BMAL1: variants seen among roughly 807,000 people sequenced by gnomAD.
BMAL1 encodes basic helix-loop-helix ARNT like 1, also known as basic helix-loop-helix ARNT-like protein 1.
the BMAL1 span, among the ~76,000 whole-genome samples, chr11:13,307,890 C>T: frequency 6.6e-6 from 1 of 152,182 alleles, no homozygotes; most frequent in Non-Finnish European, 1.5e-5. Context: ...TTGGCATCAT[C>T]CTTGCTGGGA....
At chr11:13,348,257 T>C in the BMAL1 span, among the ~76,000 whole-genome samples, 1 of 152,202 alleles carries the variant, frequency 6.6e-6, no homozygotes, top group South Asian at 2.1e-4. Flanking sequence ...TCTTGTCTTT[T>C]AGTCTGTCGG....
At chr11:13,340,760 A>T in the BMAL1 span, among the ~76,000 whole-genome samples, 1 of 152,134 alleles carries the variant, frequency 6.6e-6, no homozygotes, top group South Asian at 2.1e-4. Flanking sequence ...CAGGATTTCA[A>T]CCTGAGTTTG....
chr11:13,383,781 G>A, the BMAL1 span, among the ~76,000 whole-genome samples: 1 of 152,172 alleles, frequency 6.6e-6, no homozygotes, highest in African/African-American at 2.4e-5. Context: ...AGCCCAGGAG[G>A]TTGAGGCTGC....
chr11:13,335,877 G>T, the BMAL1 span, among the ~76,000 whole-genome samples: 2 of 152,038 alleles, frequency 1.3e-5, no homozygotes, highest in Non-Finnish European at 2.9e-5. Context: ...TACAGTTAGG[G>T]CATTATATTG....
chr11:13,350,889 C>T, the BMAL1 span, among the ~76,000 whole-genome samples: 1 of 152,162 alleles, frequency 6.6e-6, no homozygotes, highest in Non-Finnish European at 1.5e-5. Flanking sequence ...TTTACAACAT[C>T]AATGATGAAC....
the BMAL1 span, among the ~76,000 whole-genome samples, chr11:13,383,313 A>G: frequency 4.4e-3 from 670 of 152,276 alleles, 3 homozygotes; most frequent in Non-Finnish European, 6.9e-3. Flanking sequence ...CCAGAAAGAG[A>G]GGGGGCACAA....
the BMAL1 span, among the ~76,000 whole-genome samples, chr11:13,386,192 T>A: frequency 1.4e-4 from 21 of 152,242 alleles, no homozygotes; most frequent in Admixed American, 5.2e-4. Flanking sequence ...CCCCTGGGCT[T>A]TCTAGATCTG....
the BMAL1 span, among the ~76,000 whole-genome samples, chr11:13,321,433 T>G: frequency 6.6e-6 from 1 of 152,174 alleles, no homozygotes; most frequent in Non-Finnish European, 1.5e-5. Flanking sequence ...AACTGAGGCT[T>G]AGGTAGGTTA....
At chr11:13,279,417 G>A in the BMAL1 span, among the ~76,000 whole-genome samples, 47 of 152,210 alleles carry the variant, frequency 3.1e-4, no homozygotes, top group East Asian at 1.5e-3. Flanking sequence ...ATTATTAAAT[G>A]ACAACTATTA....
chr11:13,278,457 C>A, the BMAL1 span, among the ~76,000 whole-genome samples: 1 of 152,210 alleles, frequency 6.6e-6, no homozygotes, highest in Non-Finnish European at 1.5e-5. Flanking sequence ...TGCCCTTCCT[C>A]CCCGCTTCAC....
At chr11:13,308,645 C>T in the BMAL1 span, among the ~76,000 whole-genome samples, 1 of 152,152 alleles carries the variant, frequency 6.6e-6, no homozygotes, top group African/African-American at 2.4e-5. Context: ...AAATGCAAGA[C>T]AGGCCAAATG....
At chr11:13,365,282 AACACACACACACACACACACAC>A in the BMAL1 span, 120 of 182,822 alleles carry the variant, frequency 6.6e-4, no homozygotes, top group African/African-American at 2.2e-3. Context: ...GATATGCAGA[AACACACACACACACACACACAC>A]ACACACACAC....
At chr11:13,338,448 A>G in the BMAL1 span, among the ~76,000 whole-genome samples, 1 of 152,224 alleles carries the variant, frequency 6.6e-6, no homozygotes, top group Non-Finnish European at 1.5e-5. Context: ...AACAGAAAGG[A>G]TCACCTGGCT....
the BMAL1 span, among the ~76,000 whole-genome samples, chr11:13,290,912 A>C: frequency 6.6e-6 from 1 of 152,032 alleles, no homozygotes; most frequent in Non-Finnish European, 1.5e-5. Context: ...TGGTTGATGG[A>C]TGGGTTGCCA....
the BMAL1 span, among the ~76,000 whole-genome samples, chr11:13,352,797 T>G: frequency 6.6e-6 from 1 of 152,180 alleles, no homozygotes; most frequent in East Asian, 1.9e-4. Context: ...TAGCTCACAC[T>G]CACCCTCCTG....
the BMAL1 span, among the ~76,000 whole-genome samples, chr11:13,349,769 A>G: frequency 6.6e-6 from 1 of 152,344 alleles, no homozygotes; most frequent in East Asian, 1.9e-4. Flanking sequence ...AAGGACGGCC[A>G]GGCAGCAAGG....
chr11:13,379,747 C>T, the BMAL1 span: 1 of 152,184 alleles, frequency 6.6e-6, no homozygotes, highest in Non-Finnish European at 1.5e-5. Context: ...CAGGGCTATT[C>T]TTGAGTGGGC....
At chr11:13,355,144 A>C in the BMAL1 span, 8 of 1,290,576 alleles carry the variant, frequency 6.2e-6, no homozygotes, top group East Asian at 1.8e-4. Context: ...CCAAATGTCC[A>C]TTTAAGAGGT....
chr11:13,323,525 C>G, the BMAL1 span, among the ~76,000 whole-genome samples: 1 of 152,076 alleles, frequency 6.6e-6, no homozygotes, highest in Non-Finnish European at 1.5e-5. Context: ...CTACCCAGGC[C>G]TAAAATGTGG....
Sources: gnomAD v4.1 joint callset for allele counts (sites outside exome capture counted in the v4.1 genomes callset) on GRCh38, gnomAD v4.1.1 for gene constraint, MANE v1.5 for transcripts, NCBI Gene and HGNC (gene_info 2026-07-23, HGNC 2026-07-21) for gene names.